PDE1C: variants seen among roughly 807,000 people sequenced by gnomAD.
PDE1C encodes the protein phosphodiesterase 1C.
PDE1C carries 62 observed loss-of-function variants against 93.1 expected under a neutral mutation model. The observed-to-expected ratio is 0.67, with a 90% CI of 0.54 to 0.82. The LOEUF (loss-of-function observed/expected upper bound fraction) is 0.82. Among genes scored for constraint, PDE1C ranks in the 40% least tolerant of loss-of-function variants. The probability of loss-of-function intolerance (pLI) is 0.00; values close to 1 mark genes in which losing one functional copy is unlikely to be tolerated. For missense variants in PDE1C, 742 were observed against 884.6 expected, an observed-to-expected ratio of 0.84 and a Z score of 2.04; for synonymous variants, 325 against 310.1, an observed-to-expected ratio of 1.05 and a Z score of -0.50.
chr7:31,850,334 C>T (rs79936884), intron 8 of PDE1C, among the ~76,000 whole-genome samples: 2,206 of 152,184 alleles, frequency 0.014, 49 homozygotes, highest in African/African-American at 0.051. Flanking sequence ...TAAACTGCCC[C>T]ATTTCCTGTT....
At chr7:31,887,545 A>C (rs1798101319) in intron 2 of PDE1C, among the ~76,000 whole-genome samples, 1 of 151,502 alleles carries the variant, frequency 6.6e-6, no homozygotes, top group Admixed American at 6.6e-5. Flanking sequence ...CTTGTTAACT[A>C]AAAAAAAATT....
chr7:32,373,948 G>T (rs947242267), intron 1 of PDE1C, among the ~76,000 whole-genome samples: 1 of 151,866 alleles, frequency 6.6e-6, no homozygotes, highest in Non-Finnish European at 1.5e-5. Flanking sequence ...AGTGAGCCAA[G>T]ATCGCGCCAC....
At chr7:32,387,504 C>G (rs440575) in intron 1 of PDE1C, among the ~76,000 whole-genome samples, 78,660 of 124,778 alleles carry the variant, frequency 0.63, 22,453 homozygotes, top group East Asian at 0.81. Context: ...GGGCGGGGGG[C>G]TGACCCCCCC....
At chr7:32,073,551 C>G (rs1268385660), upstream of PDE1C, among the ~76,000 whole-genome samples, 1 of 152,146 alleles carries the variant, frequency 6.6e-6, no homozygotes, top group African/African-American at 2.4e-5. Context: ...CCTCTTTACC[C>G]CAGCTCTTAG....
chr7:31,954,608 G>C (rs574500493), intron 2 of PDE1C, among the ~76,000 whole-genome samples: 2 of 152,240 alleles, frequency 1.3e-5, no homozygotes, highest in Admixed American at 1.3e-4. Flanking sequence ...CCAAGGATCT[G>C]TCCCTCTGGC....
intron 2 of PDE1C, among the ~76,000 whole-genome samples, chr7:31,903,502 C>A (rs1291774341): frequency 6.6e-6 from 1 of 151,976 alleles, no homozygotes; most frequent in Non-Finnish European, 1.5e-5. Flanking sequence ...TACATCAGTA[C>A]CCTGGTGAAT....
At chr7:32,003,748 T>G (rs1242759846) in intron 2 of PDE1C, among the ~76,000 whole-genome samples, 1 of 152,222 alleles carries the variant, frequency 6.6e-6, no homozygotes, top group Admixed American at 6.5e-5. Flanking sequence ...TTCATTCATG[T>G]TCTAGGAACT....
chr7:32,344,741 C>T (rs2128081129), intron 1 of PDE1C, among the ~76,000 whole-genome samples: 1 of 152,190 alleles, frequency 6.6e-6, no homozygotes, highest in East Asian at 1.9e-4. Flanking sequence ...ATTTTCCTCC[C>T]TTTTTATGTA....
intron 6 of PDE1C, among the ~76,000 whole-genome samples, chr7:31,870,073 A>C (rs1795748236): frequency 6.6e-6 from 1 of 152,052 alleles, no homozygotes; most frequent in Admixed American, 6.6e-5. Flanking sequence ...GAAAATCTAA[A>C]CATATCAAAT....
chr7:32,331,331 G>A (rs533607848), intron 1 of PDE1C, among the ~76,000 whole-genome samples: 5 of 152,300 alleles, frequency 3.3e-5, no homozygotes, highest in Admixed American at 2.6e-4. Flanking sequence ...ATTAAGCTGC[G>A]CTGGTGTGCG....
At chr7:31,834,200 C>A (rs1026079437) in intron 11 of PDE1C, among the ~76,000 whole-genome samples, 5 of 152,356 alleles carry the variant, frequency 3.3e-5, no homozygotes, top group Non-Finnish European at 5.9e-5. Flanking sequence ...GATGTCCAGG[C>A]AGAAATTTGC....
intron 2 of PDE1C, among the ~76,000 whole-genome samples, chr7:32,175,311 C>T (rs1802910991): frequency 6.6e-6 from 1 of 152,094 alleles, no homozygotes; most frequent in Non-Finnish European, 1.5e-5. Flanking sequence ...TTTTTGGTTT[C>T]CCCAATGCAT....
chr7:31,650,001 C>T, the PDE1C span, among the ~76,000 whole-genome samples: 2 of 152,040 alleles, frequency 1.3e-5, no homozygotes, highest in Non-Finnish European at 2.9e-5. Context: ...TGAAAAATCA[C>T]AAAGAATTGG....
chr7:31,750,077 C>T (rs6462299), downstream of PDE1C, among the ~76,000 whole-genome samples: 138,003 of 152,184 alleles, frequency 0.91, 64,026 homozygotes, highest in Non-Finnish European at 1. Context: ...GCTGTGCTAT[C>T]ATCCTAAACC....
intron 1 of PDE1C, among the ~76,000 whole-genome samples, chr7:32,343,099 G>A (rs528247147): frequency 6.6e-6 from 1 of 152,260 alleles, no homozygotes; most frequent in African/African-American, 2.4e-5. Flanking sequence ...ACCAGAGGCT[G>A]CCAACAAGGA....
chr7:32,218,479 C>T (rs973766262), intron 1 of PDE1C, among the ~76,000 whole-genome samples: 1 of 152,176 alleles, frequency 6.6e-6, no homozygotes, highest in Non-Finnish European at 1.5e-5. Context: ...CTCCCTGGCT[C>T]GTGCAGCCCA....
intron 15 of PDE1C, among the ~76,000 whole-genome samples, chr7:31,811,698 C>T (rs1354544456): frequency 6.6e-6 from 1 of 152,094 alleles, no homozygotes; most frequent in Non-Finnish European, 1.5e-5. Context: ...GCTACAGCAA[C>T]ACCAGGATGT....
At chr7:31,844,334 G>A (rs570930008) in intron 9 of PDE1C, among the ~76,000 whole-genome samples, 8 of 151,514 alleles carry the variant, frequency 5.3e-5, no homozygotes, top group African/African-American at 1.2e-4. Context: ...CCCTTGTAAC[G>A]CAGCTCCATT....
chr7:32,279,918 C>T (rs1021917085), intron 1 of PDE1C, among the ~76,000 whole-genome samples: 2 of 152,084 alleles, frequency 1.3e-5, no homozygotes, highest in African/African-American at 4.8e-5. Flanking sequence ...GGTTATTCAA[C>T]TTTATGTTTA....
Sources: gnomAD v4.1 joint callset for allele counts (sites outside exome capture counted in the v4.1 genomes callset) on GRCh38, gnomAD v4.1.1 for gene constraint, MANE v1.5 for transcripts, NCBI Gene and HGNC (gene_info 2026-07-23, HGNC 2026-07-21) for gene names.